SLC30A9: variants seen among roughly 807,000 people sequenced by gnomAD.
SLC30A9 encodes the protein solute carrier family 30 member 9, also known as proton-coupled zinc antiporter SLC30A9, mitochondrial.
Under a neutral mutation model 87.5 loss-of-function variants are expected in SLC30A9, and 58 were observed. The ratio of observed to expected loss-of-function variants is 0.66; its 90% CI spans 0.54 to 0.82. SLC30A9 has a LOEUF of 0.82. SLC30A9 is among the 40% of genes least tolerant of loss of function. The probability of loss-of-function intolerance (pLI) is 0.00; values close to 1 mark genes in which losing one functional copy is unlikely to be tolerated. For missense variants in SLC30A9, 557 were observed against 679.1 expected (o/e 0.82, Z 2.00); for synonymous variants, 234 against 233.0 (o/e 1.00, Z -0.04).
At chr4:42,042,182 G>C (rs1337335998) in intron 8 of SLC30A9, among the ~76,000 whole-genome samples, 5 of 152,180 alleles carry the variant, frequency 3.3e-5, no homozygotes, top group African/African-American at 4.8e-5. Context: ...TCATACTCCA[G>C]TGGTGCCTCG....
chr4:42,035,488 G>A (rs530670614), intron 7 of SLC30A9, among the ~76,000 whole-genome samples, 155 bp downstream of exon 7: 15 of 149,404 alleles, frequency 1.0e-4, no homozygotes, highest in South Asian at 2.1e-4. Context: ...ATTCATTTCC[G>A]TCTGATTTTC....
chr4:42,030,523 G>A (rs1716380897), intron 6 of SLC30A9, among the ~76,000 whole-genome samples: 1 of 150,230 alleles, frequency 6.7e-6, no homozygotes, highest in South Asian at 2.1e-4. Flanking sequence ...TGTACTTTAT[G>A]TGAGCAGGTT....
chr4:42,038,906 C>A, intron 7 of SLC30A9, 80 bp from the exon 8 acceptor site: 2 of 822,312 alleles, frequency 2.4e-6, no homozygotes, highest in South Asian at 1.6e-5. Flanking sequence ...GGAAAATGTT[C>A]TGGTCTGTCA....
chr4:42,041,959 G>A lies in SLC30A9; in HGVS notation c.737+2906G>A, dbSNP rs1043648405. On this transcript the variant is annotated intron_variant, in intron 8 of 17. Coordinates refer to ENST00000264451, the MANE Select transcript of SLC30A9 (RefSeq NM_006345.4). ...CCTCACCGGGGTAGTGCAAGGGGTC[G>A]GGGAACTCCCTCCCCTAGCCAAGGG... 1.2e-4 allele frequency among the ~76,000 whole-genome samples: 19 copies of A among 152,120 alleles called. 1 individual carries two copies. Among genetic ancestry groups the A allele is most frequent in the South Asian group, 6.2e-4 (3 of 4,828 alleles).
At chr4:42,000,927 T>TA (rs1051236363) in intron 1 of SLC30A9, among the ~76,000 whole-genome samples, 16 of 152,104 alleles carry the variant, frequency 1.1e-4, no homozygotes, top group Admixed American at 3.9e-4. Flanking sequence ...GTACTCATGG[T>TA]AAAAAAAGAG....
intron 8 of SLC30A9, among the ~76,000 whole-genome samples, chr4:42,041,698 T>C (rs1443244713): frequency 6.6e-6 from 1 of 152,172 alleles, no homozygotes; most frequent in Non-Finnish European, 1.5e-5. Context: ...ATTATACCAC[T>C]GCACTCCAAC....
At chr4:42,052,476 T>G (rs1717418322) in intron 9 of SLC30A9, among the ~76,000 whole-genome samples, 1 of 152,126 alleles carries the variant, frequency 6.6e-6, no homozygotes, top group Admixed American at 6.6e-5. Flanking sequence ...AACAAGAAAT[T>G]TGGAGAACTT....
rs146905568 is a variant in SLC30A9 at position 41,998,259 on chromosome 4, C to T, written c.110-3357C>T. Among the ~76,000 whole-genome samples the T allele has an allele frequency of 4.2e-3, 646 of 152,184 alleles. 6 individuals carry two copies. Among genetic ancestry groups the T allele is most frequent in the African/African-American group, 0.015 (603 of 41,516 alleles). On this transcript the variant is annotated intron_variant, in intron 1 of 17. Transcript: ENST00000264451. Reference sequence around the variant, plus strand: ...TTCTGAGTAGACTGCTGATAGGATACCAGTAACTCTGCAGTCTTGAAGACA... The same window carrying T: ...TTCTGAGTAGACTGCTGATAGGATATCAGTAACTCTGCAGTCTTGAAGACA...
intron 7 of SLC30A9, among the ~76,000 whole-genome samples, chr4:42,038,101 A>G (rs1405272664): frequency 1.3e-5 from 2 of 152,136 alleles, no homozygotes; most frequent in African/African-American, 4.8e-5. Context: ...TAGCTTTTAC[A>G]GGAAGCTTCC....
chr4:42,030,581 CT>C lies in SLC30A9; in HGVS notation c.611-4676del, dbSNP rs766917053. On this transcript the variant is annotated intron_variant, in intron 6 of 17. Transcript: ENST00000264451. ...TCAATGGGAATGAAACTGGCATGGT[CT>C]TTTTTTTTTTTTTTTTTGGGCTCTT... Among the ~76,000 whole-genome samples the C allele has an allele frequency of 6.5e-3, 898 of 139,110 alleles. 6 individuals carry two copies. Among genetic ancestry groups the C allele is most frequent in the African/African-American group, 0.023 (795 of 33,988 alleles). 91.3% of individuals were successfully genotyped at this position (139,110 alleles called of 152,430 possible).
At chr4:42,044,199 A>C (rs978499648) in intron 8 of SLC30A9, among the ~76,000 whole-genome samples, 3 of 152,188 alleles carry the variant, frequency 2.0e-5, no homozygotes, top group Non-Finnish European at 4.4e-5. Context: ...GATCAGATTC[A>C]CACATAACAA....
chr4:42,018,849 T>C lies in SLC30A9; in HGVS notation c.334+679T>C, dbSNP rs571765030. On this transcript the variant is annotated intron_variant, in intron 3 of 17. Transcript: ENST00000264451. ...CAATTAATAACAATTAATGTTGTTA[T>C]AGCAGCCATCATTATCATTATCATC... 1.3e-3 allele frequency among the ~76,000 whole-genome samples: 194 copies of C among 152,300 alleles called. 3 individuals carry two copies. Among genetic ancestry groups the C allele is most frequent in the African/African-American group, 4.5e-3 (185 of 41,562 alleles).
intron 8 of SLC30A9, among the ~76,000 whole-genome samples, chr4:42,047,025 A>G (rs138366883): frequency 6.6e-5 from 10 of 152,362 alleles, no homozygotes; most frequent in African/African-American, 2.4e-4. Context: ...CTGGCAAGCC[A>G]TATGCAGAAA....
chr4:42,075,645 TA>T lies in SLC30A9; in HGVS notation c.1419-11del. 6.2e-7 allele frequency: 1 copy of T among 1,611,040 alleles called. No individual in the cohort carries two copies. Among genetic ancestry groups the T allele is most frequent in the Non-Finnish European group, 8.5e-7 (1 of 1,177,662 alleles). ...GTATAAATAAATTTGTATGCATTGT[TA>T]TTGATTGCAGGGCAATTCATGATGT... On this transcript the variant is annotated splice_polypyrimidine_tract_variant and intron_variant, in intron 15 of 17. Transcript: ENST00000264451.
intron 7 of SLC30A9, among the ~76,000 whole-genome samples, chr4:42,038,481 A>AACAT (rs1310578482): frequency 2.6e-5 from 4 of 152,192 alleles, no homozygotes; most frequent in African/African-American, 9.7e-5. Flanking sequence ...ATTTTAATAA[A>AACAT]ACATACATTC....
In SLC30A9 at chr4:42,075,745, A is replaced by T; in HGVS notation, c.1507A>T (p.Arg503Ter). ...AGATTTTGATGGGCGAGTTGTTACA[A>T]GATCATATTTGGAAAAACAAGATTT... ...EVDFDGRVVT[R>*]SYLEKQDFDQ... Residue 503 changes from arginine to a stop codon, truncating the protein, a stop_gained, in exon 16 of 18, where the codon AGA becomes TGA. Transcript: ENST00000264451. LOFTEE classifies it high-confidence loss of function. The T allele has an allele frequency of 2.5e-6, 4 of 1,612,542 alleles. No homozygotes were observed. The highest frequency in any genetic ancestry group is 3.4e-6 in the Non-Finnish European group (4 of 1,178,720).
At chr4:42,049,996 C>T (rs1717323212) in intron 9 of SLC30A9, among the ~76,000 whole-genome samples, 1 of 152,076 alleles carries the variant, frequency 6.6e-6, no homozygotes, top group Admixed American at 6.6e-5. Context: ...CATCCTATTA[C>T]ATTTTAAAGA....
intron 16 of SLC30A9, among the ~76,000 whole-genome samples, chr4:42,077,001 A>G (rs1245231630): frequency 1.3e-5 from 2 of 151,558 alleles, no homozygotes; most frequent in Admixed American, 6.6e-5. Flanking sequence ...CCATGATTGC[A>G]TTCTCACACG....
chr4:42,052,305 T>C (rs1037648081), intron 9 of SLC30A9, among the ~76,000 whole-genome samples: 2 of 152,168 alleles, frequency 1.3e-5, no homozygotes, highest in Non-Finnish European at 2.9e-5. Context: ...CGTTCATAGA[T>C]TGGATGTCAT....
Sources: gnomAD v4.1 joint callset for allele counts (sites outside exome capture counted in the v4.1 genomes callset) on GRCh38, gnomAD v4.1.1 for gene constraint, MANE v1.5 for transcripts, NCBI Gene and HGNC (gene_info 2026-07-23, HGNC 2026-07-21) for gene names.